Variants in MALRD1 observed in about 807,000 individuals in gnomAD.
MALRD1 encodes MAM and LDL-receptor class A domain-containing protein 1.
In MALRD1, 247 loss-of-function variants were observed where a neutral mutation model predicts 242.1. The ratio of observed to expected loss-of-function variants is 1.02; its 90% confidence interval spans 0.92 to 1.13. The LOEUF is 1.13. Ranked by LOEUF, MALRD1 falls within the 50% of genes most tolerant of loss-of-function variation. MALRD1 has a pLI of 0.00. For missense variants in MALRD1, 2,989 were observed against 2,533.1 expected, an observed-to-expected ratio of 1.18 and a Z score of -3.86; for synonymous variants, 995 against 866.6, an observed-to-expected ratio of 1.15 and a Z score of -2.60.
chr10:19,398,930 A>G lies in MALRD1; in HGVS notation c.4845+9321A>G, dbSNP rs1444572202. ...CAGCAAAGAGCTATTTCAGCCAACT[A>G]GACATCAGGCCTGCAGCCAGGTAGA... On this transcript the variant is annotated intron_variant, in intron 28 of 39. Coordinates refer to ENST00000454679, the MANE Select transcript of MALRD1 (RefSeq NM_001142308.3). Among the ~76,000 whole-genome samples the G allele has an allele frequency of 2.0e-5, 3 of 152,356 alleles. No homozygotes were observed. The East Asian group carries it at 5.8e-4, about 29-fold the overall frequency.
At chr10:19,349,699 A>G (rs1352501972) in intron 25 of MALRD1, among the ~76,000 whole-genome samples, 1 of 152,202 alleles carries the variant, frequency 6.6e-6, no homozygotes, top group Non-Finnish European at 1.5e-5. Context: ...ATATCTATAA[A>G]TTTAGCTTTA....
chr10:19,474,916 A>G (rs924899139), intron 29 of MALRD1, among the ~76,000 whole-genome samples: 3 of 152,326 alleles, frequency 2.0e-5, no homozygotes, highest in South Asian at 2.1e-4. Flanking sequence ...TGAATGTTAT[A>G]TAACATTTAT....
chr10:19,544,535 A>T (rs1835122532), intron 32 of MALRD1, among the ~76,000 whole-genome samples: 1 of 150,774 alleles, frequency 6.6e-6, no homozygotes. Flanking sequence ...GTTCTTGCTT[A>T]TTCCCAGTGT....
chr10:19,060,658 A>G (rs1382776600), intron 1 of MALRD1, among the ~76,000 whole-genome samples: 6 of 152,294 alleles, frequency 3.9e-5, no homozygotes, highest in Non-Finnish European at 8.8e-5. Flanking sequence ...TCAAAATTGG[A>G]TAGTCTGTTT....
intron 32 of MALRD1, among the ~76,000 whole-genome samples, chr10:19,546,388 G>C (rs1835208338): frequency 6.6e-6 from 1 of 152,162 alleles, no homozygotes; most frequent in Non-Finnish European, 1.5e-5. Context: ...AGTCGTAAGG[G>C]ACATTGCATC....
chr10:19,258,897 G>A (rs540273320), intron 19 of MALRD1, among the ~76,000 whole-genome samples: 28 of 152,164 alleles, frequency 1.8e-4, no homozygotes, highest in Non-Finnish European at 3.8e-4. Context: ...CTCAGCAAAT[G>A]ACAGTTTCTA....
chr10:19,666,987 A>T (rs2131747203), intron 36 of MALRD1, among the ~76,000 whole-genome samples: 1 of 152,210 alleles, frequency 6.6e-6, no homozygotes, highest in South Asian at 2.1e-4. Context: ...GAGGCCCAGG[A>T]ATTAGAGGTA....
intron 2 of MALRD1, among the ~76,000 whole-genome samples, chr10:19,071,296 G>A (rs1459635413): frequency 6.0e-5 from 8 of 133,650 alleles, no homozygotes; most frequent in Admixed American, 4.7e-4. Context: ...AGAACAGGGG[G>A]CACTCATTTT....
intron 12 of MALRD1, among the ~76,000 whole-genome samples, chr10:19,158,982 T>C (rs978038953): frequency 6.6e-6 from 1 of 152,180 alleles, no homozygotes; most frequent in East Asian, 1.9e-4. Context: ...AATCCAAAGA[T>C]CAATGTTAGA....
At chr10:19,481,357 GAT>G (rs1429884293) in intron 29 of MALRD1, among the ~76,000 whole-genome samples, 1 of 152,128 alleles carries the variant, frequency 6.6e-6, no homozygotes, top group African/African-American at 2.4e-5. Context: ...TTGAACTTAA[GAT>G]AGACTTAAAT....
At chr10:19,114,506 G>A (rs745668454) in intron 5 of MALRD1, among the ~76,000 whole-genome samples, 6 of 152,054 alleles carry the variant, frequency 3.9e-5, no homozygotes, top group Admixed American at 6.6e-5. Context: ...GCATGATGGC[G>A]TGCAGCTGTA....
rs866917203 is a variant in MALRD1 at position 19,238,243 on chromosome 10, A to T, written c.2992-19441A>T. 8.6e-5 allele frequency among the ~76,000 whole-genome samples: 5 copies of T among 58,470 alleles called. No homozygotes were observed. The South Asian group carries it at 2.0e-3, about 24-fold the overall frequency. The allele number at this position is 58,470 out of a possible 152,430, so 38.4% of individuals were successfully genotyped here. ...ATACATAATATATATTATATATAAT[A>T]TGTAATATACATAATATATATTATA... On this transcript the variant is annotated intron_variant, in intron 18 of 39. Coordinates refer to ENST00000454679, the MANE Select transcript of MALRD1 (RefSeq NM_001142308.3).
At chr10:19,408,442 C>A (rs1408734908) in intron 28 of MALRD1, among the ~76,000 whole-genome samples, 1 of 152,150 alleles carries the variant, frequency 6.6e-6, no homozygotes, top group African/African-American at 2.4e-5. Flanking sequence ...TCCTTGACTT[C>A]AGATTTGACT....
chr10:19,341,137 A>T (rs1843828509), intron 24 of MALRD1, among the ~76,000 whole-genome samples: 1 of 151,928 alleles, frequency 6.6e-6, no homozygotes, highest in Middle Eastern at 3.2e-3. Context: ...ATCTTTCTAT[A>T]TTTTTTACAA....
rs1835759445 is a variant in MALRD1, at chr10:19,557,169, G to C, written c.5479-10333G>C. Among the ~76,000 whole-genome samples, 5 of 152,008 alleles carry C rather than the reference G, an allele frequency of 3.3e-5. No individual in the cohort carries two copies. The South Asian group carries it at 1.0e-3, about 31-fold the overall frequency. On this transcript the variant is annotated intron_variant, in intron 32 of 39. Transcript: ENST00000454679. The stretch of plus-strand genomic sequence containing the variant: ...ATTTTCTTATTTTTGAGTTTTTAAA[G>C]TTCTTTATATATTTTGAATACCAGG...
intron 19 of MALRD1, among the ~76,000 whole-genome samples, chr10:19,264,032 G>C (rs1053589282): frequency 1.3e-5 from 2 of 152,042 alleles, no homozygotes; most frequent in Non-Finnish European, 2.9e-5. Context: ...GCTTGTACAG[G>C]GGTTCGCTTT....
chr10:19,687,902 AT>A (rs1349223390), intron 36 of MALRD1, among the ~76,000 whole-genome samples: 1 of 149,214 alleles, frequency 6.7e-6, no homozygotes, highest in Non-Finnish European at 1.5e-5. Context: ...ATTATTATTT[AT>A]TTTTTTAATG....
At chr10:19,318,281 C>T (rs1200416348) in intron 21 of MALRD1, among the ~76,000 whole-genome samples, 9 of 152,098 alleles carry the variant, frequency 5.9e-5, no homozygotes, top group Admixed American at 3.3e-4. Context: ...TATATTGCTA[C>T]ATTGTACTGT....
chr10:19,621,774 A>T (rs576278030), intron 36 of MALRD1, among the ~76,000 whole-genome samples: 1 of 151,978 alleles, frequency 6.6e-6, no homozygotes, highest in African/African-American at 2.4e-5. Flanking sequence ...ACTCTAATGT[A>T]TATCGTGGTA....
Sources: gnomAD v4.1 joint callset for allele counts (sites outside exome capture counted in the v4.1 genomes callset) on GRCh38, gnomAD v4.1.1 for gene constraint, MANE v1.5 for transcripts, NCBI Gene and HGNC (gene_info 2026-07-23, HGNC 2026-07-21) for gene names.